CTNNA2: variants seen among roughly 807,000 people sequenced by gnomAD.
CTNNA2 encodes the protein catenin alpha-2.
Under a neutral mutation model 101.0 loss-of-function variants are expected in CTNNA2, and 42 were observed. The ratio of observed to expected loss-of-function variants is 0.42; its 90% CI spans 0.32 to 0.54. CTNNA2 has a LOEUF of 0.54. Among genes scored for constraint, CTNNA2 ranks in the 20% least tolerant of loss-of-function variants. CTNNA2 has a pLI of 0.14. For missense variants in CTNNA2, 871 were observed against 1,223.1 expected (o/e 0.71, Z 4.29); for synonymous variants, 450 against 456.4 (o/e 0.99, Z 0.18).
intron 7 of CTNNA2, among the ~76,000 whole-genome samples, chr2:79,942,762 CT>C (rs2104461766): frequency 6.6e-6 from 1 of 152,254 alleles, no homozygotes. Context: ...CAACACATCT[CT>C]TTTGTGTTCT....
chr2:79,965,935 C>A (rs1382487410), intron 7 of CTNNA2, among the ~76,000 whole-genome samples: 2 of 150,880 alleles, frequency 1.3e-5, no homozygotes, highest in Non-Finnish European at 3.0e-5. Flanking sequence ...ATATTGGTAT[C>A]TTGAAACATC....
chr2:80,523,963 A>T lies in CTNNA2; in HGVS notation c.1291-21019A>T, dbSNP rs74672498. Among the ~76,000 whole-genome samples, 266 of 152,278 alleles carry T rather than the reference A, an allele frequency of 1.7e-3. 3 individuals are homozygous for T. In the East Asian group the frequency reaches 0.042, roughly 24 times the overall value. On this transcript the variant is annotated intron_variant, in intron 9 of 18. Coordinates refer to ENST00000402739, the MANE Select transcript of CTNNA2 (RefSeq NM_001282597.3). ...CTTTGACCTTAGGATAGGCAGAGGT[A>T]GAAGGGTGAATCATATAAGCAAAAG...
chr2:79,215,470 G>A (rs181360208), intron 2 of CTNNA2, among the ~76,000 whole-genome samples: 257 of 152,312 alleles, frequency 1.7e-3, no homozygotes, highest in Non-Finnish European at 2.6e-3. Flanking sequence ...GGTTAATTAA[G>A]TCCTGTTGTG....
At chr2:80,019,544 T>C (rs1694406973) in intron 7 of CTNNA2, among the ~76,000 whole-genome samples, 1 of 152,228 alleles carries the variant, frequency 6.6e-6, no homozygotes, top group South Asian at 2.1e-4. Context: ...ATTTGAATTT[T>C]TCAAGCCAAA....
chr2:80,361,955 A>G (rs1674451926), intron 7 of CTNNA2, among the ~76,000 whole-genome samples: 1 of 152,184 alleles, frequency 6.6e-6, no homozygotes, highest in African/African-American at 2.4e-5. Context: ...TTCTTAAGAT[A>G]AACTATAACT....
Position 80,312,293 on chromosome 2 carries a change from A to G in CTNNA2, c.1057-80918A>G, listed in dbSNP as rs550036547. Reference sequence around the variant, plus strand: ...CCCCTATTGGCTAGGGTTGGACCGCACAGTCTAAGCTAATTCTGATGGGCT... The same window carrying G: ...CCCCTATTGGCTAGGGTTGGACCGCGCAGTCTAAGCTAATTCTGATGGGCT... On this transcript the variant is annotated intron_variant, in intron 7 of 18. Coordinates refer to ENST00000402739, the MANE Select transcript of CTNNA2 (RefSeq NM_001282597.3). Among the ~76,000 whole-genome samples the G allele has an allele frequency of 3.0e-4, 45 of 152,298 alleles. 1 individual carries two copies. The South Asian group carries it at 4.1e-3, about 14-fold the overall frequency.
intron 3 of CTNNA2, among the ~76,000 whole-genome samples, chr2:79,331,628 C>T (rs1676874460): frequency 6.6e-6 from 1 of 152,128 alleles, no homozygotes. Context: ...TTTGTTTTGT[C>T]TTTGTGCCTT....
At chr2:80,438,216 T>C (rs981035130) in intron 9 of CTNNA2, among the ~76,000 whole-genome samples, 1 of 152,156 alleles carries the variant, frequency 6.6e-6, no homozygotes, top group African/African-American at 2.4e-5. Flanking sequence ...TAGAGTCTCC[T>C]CCTGCGTCCA....
intron 2 of CTNNA2, among the ~76,000 whole-genome samples, chr2:79,248,465 C>CT (rs1433415666): frequency 6.6e-6 from 1 of 151,704 alleles, no homozygotes; most frequent in Non-Finnish European, 1.5e-5. Context: ...TTTGGTATGT[C>CT]TTTTTATTTA....
chr2:80,545,918 C>G lies in CTNNA2; in HGVS notation c.1395C>G (p.Ala465=), dbSNP rs199835264. 1.2e-6 allele frequency: 2 copies of G among 1,613,790 alleles called. No individual in the cohort carries two copies. Among genetic ancestry groups the G allele is most frequent in the Middle Eastern group, 1.7e-4 (1 of 6,054 alleles). ...IDSLCPQVIN[A]ALTLAARPQS... ...TTTCCAACAAATAGGTCATCAATGCCGCTCTGACACTGGCTGCCCGGCCAC... is the reference window on the plus strand; with the variant it reads ...TTTCCAACAAATAGGTCATCAATGCGGCTCTGACACTGGCTGCCCGGCCAC... Residue 465 remains alanine (A), a synonymous_variant, in exon 11 of 19, where the codon GCC becomes GCG. Transcript: ENST00000402739.
In CTNNA2 at chr2:79,817,261, C is replaced by T. The variant is rs540127069; in HGVS notation, c.299-40752C>T. On this transcript the variant is annotated intron_variant, in intron 3 of 18. Transcript: ENST00000402739. ...CATTTCACTTCATGCATTAAATGAA[C>T]TCATTTTTCTGATAACACAAACCAG... is the stretch of plus-strand genomic sequence containing the variant. Among the ~76,000 whole-genome samples the T allele has an allele frequency of 2.0e-5, 3 of 147,158 alleles. No individual in the cohort carries two copies. In the South Asian group the frequency reaches 6.6e-4, roughly 33 times the overall value.
At chr2:79,597,511 C>T (rs1477017546) in intron 1 of CTNNA2, among the ~76,000 whole-genome samples, 1 of 151,688 alleles carries the variant, frequency 6.6e-6, no homozygotes, top group East Asian at 1.9e-4. Flanking sequence ...TAGAGAGTCT[C>T]GCAGATGGAA....
At chr2:79,599,064 G>A (rs1259680286) in intron 1 of CTNNA2, among the ~76,000 whole-genome samples, 2 of 151,914 alleles carry the variant, frequency 1.3e-5, no homozygotes, top group Non-Finnish European at 2.9e-5. Flanking sequence ...GAGTATCTTT[G>A]CTCCATTCTG....
intron 1 of CTNNA2, among the ~76,000 whole-genome samples, chr2:79,569,838 G>C (rs1365688798): frequency 6.6e-6 from 1 of 152,070 alleles, no homozygotes; most frequent in East Asian, 1.9e-4. Flanking sequence ...TGAATGTACT[G>C]ATATTTATTG....
chr2:79,492,020 A>G (rs914360734), intron 4 of CTNNA2, among the ~76,000 whole-genome samples: 7 of 152,216 alleles, frequency 4.6e-5, no homozygotes, highest in Non-Finnish European at 8.8e-5. Context: ...TTGTCATCAT[A>G]ATAGATATGC....
intron 7 of CTNNA2, among the ~76,000 whole-genome samples, chr2:79,910,525 T>C (rs1030027108): frequency 6.6e-6 from 1 of 152,226 alleles, no homozygotes; most frequent in Non-Finnish European, 1.5e-5. Flanking sequence ...GCTACATTCA[T>C]TCAGCAGAGG....
At chr2:80,521,570 A>C (rs1412870149) in intron 9 of CTNNA2, among the ~76,000 whole-genome samples, 2 of 152,148 alleles carry the variant, frequency 1.3e-5, no homozygotes, top group Non-Finnish European at 1.5e-5. Flanking sequence ...TATATGTGAA[A>C]GAGGGAGGCA....
chr2:79,283,280 A>G (rs1275781088), intron 2 of CTNNA2, among the ~76,000 whole-genome samples: 12 of 110,502 alleles, frequency 1.1e-4, no homozygotes, highest in Non-Finnish European at 6.3e-5. Context: ...CCATTTGTCA[A>G]TTTTGTCTTT....
At chr2:79,526,504 A>C (rs1008019659) in intron 1 of CTNNA2, among the ~76,000 whole-genome samples, 2 of 152,018 alleles carry the variant, frequency 1.3e-5, no homozygotes, top group African/African-American at 2.4e-5. Context: ...CATTTGTAAA[A>C]TAAGAATAGT....
Sources: gnomAD v4.1 joint callset for allele counts (sites outside exome capture counted in the v4.1 genomes callset) on GRCh38, gnomAD v4.1.1 for gene constraint, MANE v1.5 for transcripts, NCBI Gene and HGNC (gene_info 2026-07-23, HGNC 2026-07-21) for gene names.